WDFY4: variants seen among roughly 807,000 people sequenced by gnomAD.
WDFY4 encodes WDFY family member 4, also known as WD repeat- and FYVE domain-containing protein 4.
In WDFY4, 169 loss-of-function variants were observed where a neutral mutation model predicts 351.9. The observed-to-expected ratio is 0.48, with a 90% CI of 0.42 to 0.55. WDFY4 has a LOEUF of 0.55. WDFY4 is among the 20% of genes least tolerant of loss of function. WDFY4 has a pLI of 0.00. For missense variants in WDFY4, 3,803 were observed against 3,935.6 expected (o/e 0.97, Z 0.90); for synonymous variants, 1,622 against 1,574.6 (o/e 1.03, Z -0.71).
intron 9 of WDFY4, among the ~76,000 whole-genome samples, chr10:48,731,856 G>T (rs183286226): frequency 3.1e-4 from 47 of 152,314 alleles, no homozygotes; most frequent in African/African-American, 1.0e-3. Context: ...GACTGCAGGG[G>T]TCTGACAGCT....
intron 38 of WDFY4, 33 bp downstream of exon 38, chr10:48,830,918 C>A: frequency 1.3e-6 from 2 of 1,535,288 alleles, no homozygotes; most frequent in Non-Finnish European, 1.8e-6. Flanking sequence ...GGAATGGGAA[C>A]TCCTGGGTCT....
chr10:48,882,699 G>A (rs1031220064), intron 43 of WDFY4, among the ~76,000 whole-genome samples: 2 of 151,982 alleles, frequency 1.3e-5, no homozygotes, highest in African/African-American at 2.4e-5. Context: ...GAGGGAGGAG[G>A]GGCCAGGCTC....
rs997337763 is a variant in WDFY4 at position 48,811,641 on chromosome 10, A to G, written c.5147A>G (p.Glu1716Gly). Reference sequence around the variant, plus strand: ...CTGGCCCACCACGTCCACATTCCAGAGGTCTACCTCATCGTCTCCACCTTC... The same window carrying G: ...CTGGCCCACCACGTCCACATTCCAGGGGTCTACCTCATCGTCTCCACCTTC... The part of the protein sequence containing the change: ...DFLAHHVHIP[E>G]VYLIVSTFFL... Residue 1716 changes from glutamate (E) to glycine (G), a missense_variant, in exon 30 of 62, where the codon GAG becomes GGG. Around this residue, in one of 3 missense-constraint regions of WDFY4, gnomAD observed 3,054 missense variants for 3,148.6 expected, o/e 0.97. Coordinates refer to ENST00000325239, the MANE Select transcript of WDFY4 (RefSeq NM_001394531.1). The G allele has an allele frequency of 3.9e-5, 60 of 1,551,762 alleles. No homozygotes were observed. The highest frequency in any genetic ancestry group is 5.1e-5 in the Non-Finnish European group (59 of 1,147,050).
intron 11 of WDFY4, among the ~76,000 whole-genome samples, chr10:48,742,643 G>A (rs137859337): frequency 6.1e-4 from 93 of 152,278 alleles, no homozygotes; most frequent in Middle Eastern, 3.4e-3. Context: ...TTTTGATCAG[G>A]GAATGAGAGG....
At chr10:48,851,523 G>A (rs2068957623) in intron 39 of WDFY4, among the ~76,000 whole-genome samples, 1 of 152,208 alleles carries the variant, frequency 6.6e-6, no homozygotes, top group African/African-American at 2.4e-5. Flanking sequence ...TCCCAGGCCT[G>A]ACATGTAGTG....
Position 48,982,541 on chromosome 10 carries a change from G to A in WDFY4, c.9521G>A (p.Arg3174Lys), listed in dbSNP as rs979743794. ...NHTKLLVGDERGRIFCWSADG is the reference protein window; with the variant it reads ...NHTKLLVGDEKGRIFCWSADG ...ACCAAACTCCTGGTTGGTGATGAGA[G>A]GGGGAGAATATTCTGCTGGTCTGCA... Residue 3174 changes from arginine to lysine, a missense_variant, in exon 62 of 62, where the codon AGG becomes AAG. This residue lies in a region of WDFY4 where 3,054 missense variants were observed against 3,148.6 expected (regional missense o/e 0.97). Coordinates refer to ENST00000325239, the MANE Select transcript of WDFY4 (RefSeq NM_001394531.1). 28 of 1,538,330 alleles carry A rather than the reference G, an allele frequency of 1.8e-5. No individual in the cohort carries two copies. The Middle Eastern group carries it at 6.7e-4, about 37-fold the overall frequency.
intron 43 of WDFY4, among the ~76,000 whole-genome samples, chr10:48,885,092 G>T (rs1235505301): frequency 6.6e-6 from 1 of 151,984 alleles, no homozygotes; most frequent in Non-Finnish European, 1.5e-5. Flanking sequence ...AGCCTAGCTG[G>T]TGCCCAACGG....
At chr10:48,903,858 T>A (rs1837485629) in intron 47 of WDFY4, among the ~76,000 whole-genome samples, 1 of 152,190 alleles carries the variant, frequency 6.6e-6, no homozygotes, top group South Asian at 2.1e-4. Context: ...CAAGAATGGA[T>A]GCACATGGAA....
intron 45 of WDFY4, among the ~76,000 whole-genome samples, chr10:48,899,017 TTA>T (rs1340984568): frequency 2.0e-5 from 3 of 151,118 alleles, no homozygotes; most frequent in African/African-American, 7.4e-5. Flanking sequence ...TTTTTTATGA[TTA>T]TATGTCTACC....
intron 12 of WDFY4, among the ~76,000 whole-genome samples, chr10:48,744,072 C>T (rs928847934): frequency 6.6e-6 from 1 of 152,214 alleles, no homozygotes; most frequent in African/African-American, 2.4e-5. Flanking sequence ...CTTCCGCAGG[C>T]CAAACACCTC....
intron 19 of WDFY4, among the ~76,000 whole-genome samples, 192 bp from the exon 20 acceptor site, chr10:48,786,447 G>C (rs1245687271): frequency 6.6e-6 from 1 of 152,114 alleles, no homozygotes; most frequent in Admixed American, 6.5e-5. Flanking sequence ...GACAGTATCA[G>C]TTTTTTACTC....
intron 51 of WDFY4, among the ~76,000 whole-genome samples, chr10:48,951,051 C>T (rs780128174): frequency 2.6e-5 from 4 of 152,248 alleles, no homozygotes; most frequent in Non-Finnish European, 5.9e-5. Flanking sequence ...GTGGACAGCA[C>T]AGAGACCCCC....
chr10:48,721,509 C>T, intron 4 of WDFY4, 142 bp downstream of exon 4: 2 of 765,418 alleles, frequency 2.6e-6, no homozygotes, highest in South Asian at 3.4e-5. Flanking sequence ...TCCTCCCCTT[C>T]TGGTGTAGAA....
chr10:48,877,730 G>A lies in WDFY4; in HGVS notation c.7167+531G>A, dbSNP rs143131147. 6.8e-4 allele frequency among the ~76,000 whole-genome samples: 103 copies of A among 152,324 alleles called. 1 individual carries two copies. Among genetic ancestry groups the A allele is most frequent in the African/African-American group, 2.0e-3 (82 of 41,574 alleles). ...ATTAGCCTTCAAAAGGGTGGCTCTG[G>A]GGATGAAGTGTACAGGCCCAGGAGG... On this transcript the variant is annotated intron_variant, in intron 43 of 61. Transcript: ENST00000325239.
rs1186887311 is a variant in WDFY4 at position 48,796,342 on chromosome 10, T to C, written c.4302T>C (p.His1434=). ...LLRKKASLLN[H]RIFQLILSVA... ...GGAAGAAGGCCTCTCTCCTGAACCA[T>C]CGAATTTTTCAGCTGATCCTCTCAG... Residue 1434 remains histidine (H), a synonymous_variant, in exon 24 of 62, where the codon CAT becomes CAC. Coordinates refer to ENST00000325239, the MANE Select transcript of WDFY4 (RefSeq NM_001394531.1). 2.6e-6 allele frequency: 4 copies of C among 1,552,376 alleles called. No individual in the cohort carries two copies. The highest frequency in any genetic ancestry group is 3.5e-6 in the Non-Finnish European group (4 of 1,147,124).
chr10:48,925,296 G>A (rs1839475779), intron 47 of WDFY4, among the ~76,000 whole-genome samples: 1 of 152,190 alleles, frequency 6.6e-6, no homozygotes, highest in South Asian at 2.1e-4. Context: ...CTAAAGAGAG[G>A]CGGGGCTGTA....
chr10:48,975,944 G>A (rs896970169), intron 58 of WDFY4, among the ~76,000 whole-genome samples: 1 of 152,198 alleles, frequency 6.6e-6, no homozygotes. Flanking sequence ...AGGCATTGAA[G>A]CCTTCACCTG....
intron 12 of WDFY4, among the ~76,000 whole-genome samples, chr10:48,759,924 G>C (rs1046261487): frequency 2.0e-5 from 3 of 152,152 alleles, no homozygotes; most frequent in African/African-American, 7.2e-5. Flanking sequence ...GTATTCAGGG[G>C]GTGGGACAGA....
At chr10:48,793,991 A>T (rs2066769310) in intron 23 of WDFY4, among the ~76,000 whole-genome samples, 1 of 152,166 alleles carries the variant, frequency 6.6e-6, no homozygotes. Flanking sequence ...ATACTGTTCC[A>T]GACTAACATT....
Sources: gnomAD v4.1 joint callset for allele counts (sites outside exome capture counted in the v4.1 genomes callset) on GRCh38, gnomAD v4.1.1 for gene constraint, gnomAD v4.1.1 regional missense constraint, MANE v1.5 for transcripts, NCBI Gene and HGNC (gene_info 2026-07-23, HGNC 2026-07-21) for gene names.